Variants in CLDN14 observed in about 807,000 individuals in gnomAD.
The protein encoded by CLDN14 is claudin 14.
In CLDN14, 2 loss-of-function variants were observed where a neutral mutation model predicts 2.1. The ratio of observed to expected loss-of-function variants is 0.96; its 90% CI spans 0.39 to 3.01. CLDN14 has a LOEUF of 3.01. Among genes scored for constraint, CLDN14 ranks in the 30% most tolerant of loss-of-function variants. The pLI is 0.09. For missense variants in CLDN14, 298 were observed against 328.0 expected (o/e 0.91, Z 0.71); for synonymous variants, 136 against 154.4 (o/e 0.88, Z 0.88).
intron 2 of CLDN14, among the ~76,000 whole-genome samples, chr21:36,494,180 AGC>A (rs2086994567): frequency 1.3e-5 from 2 of 152,180 alleles, no homozygotes; most frequent in Admixed American, 1.3e-4. Context: ...CTTCTCTCCC[AGC>A]GGGGGACTGT....
intron 2 of CLDN14, among the ~76,000 whole-genome samples, chr21:36,509,884 C>T (rs1213169119): frequency 2.6e-5 from 4 of 152,092 alleles, no homozygotes; most frequent in African/African-American, 7.2e-5. Flanking sequence ...GTGAGCCACC[C>T]GCGCCTGGCC....
chr21:36,540,576 C>T (rs912500189), intron 1 of CLDN14, among the ~76,000 whole-genome samples: 4 of 151,786 alleles, frequency 2.6e-5, no homozygotes, highest in Non-Finnish European at 5.9e-5. Flanking sequence ...AAATCCCACT[C>T]GTTCCTGCCA....
At chr21:36,518,668 T>C (rs1264717244) in intron 1 of CLDN14, among the ~76,000 whole-genome samples, 3 of 148,086 alleles carry the variant, frequency 2.0e-5, no homozygotes, top group Non-Finnish European at 4.5e-5. Context: ...ATTCAATAAA[T>C]GTGGTGTTTA....
At chr21:36,488,704 G>A (rs1473961636) in intron 2 of CLDN14, among the ~76,000 whole-genome samples, 1 of 152,186 alleles carries the variant, frequency 6.6e-6, no homozygotes, top group Non-Finnish European at 1.5e-5. Flanking sequence ...AGTCTGGGAG[G>A]AGGAGAAAGC....
chr21:36,553,155 G>A (rs1000141041), intron 1 of CLDN14, among the ~76,000 whole-genome samples: 8 of 152,340 alleles, frequency 5.3e-5, no homozygotes, highest in Admixed American at 3.3e-4. Context: ...GGCATTACAC[G>A]TGAAGGTAGC....
intron 1 of CLDN14, among the ~76,000 whole-genome samples, chr21:36,530,360 A>C (rs2087369981): frequency 6.6e-6 from 1 of 152,234 alleles, no homozygotes; most frequent in Non-Finnish European, 1.5e-5. Flanking sequence ...TCCGGGCCAC[A>C]TGCAGGTCTG....
intron 1 of CLDN14, among the ~76,000 whole-genome samples, chr21:36,478,500 C>T (rs988650606): frequency 6.6e-5 from 10 of 152,178 alleles, no homozygotes; most frequent in African/African-American, 2.2e-4. Flanking sequence ...AAATGCAAGG[C>T]GTATGCTATG....
At chr21:36,482,937 T>G (rs1245944704), upstream of CLDN14, among the ~76,000 whole-genome samples, 2 of 152,250 alleles carry the variant, frequency 1.3e-5, no homozygotes, top group Non-Finnish European at 2.9e-5. Flanking sequence ...TTAAGCATAT[T>G]ACGTCTATTT....
chr21:36,570,008 G>T (rs926425000), intron 1 of CLDN14, among the ~76,000 whole-genome samples: 2 of 152,186 alleles, frequency 1.3e-5, no homozygotes, highest in African/African-American at 4.8e-5. Context: ...GGCGGTCAGG[G>T]TACAGCTTGC....
At chr21:36,556,884 C>A (rs1420151737) in intron 1 of CLDN14, among the ~76,000 whole-genome samples, 1 of 152,212 alleles carries the variant, frequency 6.6e-6, no homozygotes, top group African/African-American at 2.4e-5. Flanking sequence ...AATTGTACAG[C>A]ATCTCTAGAA....
chr21:36,568,409 A>T (rs1328996856), intron 1 of CLDN14, among the ~76,000 whole-genome samples: 1 of 152,244 alleles, frequency 6.6e-6, no homozygotes, highest in East Asian at 1.9e-4. Context: ...AGTCCCAGCT[A>T]GGAAAAAAAT....
At chr21:36,462,655 C>T (rs953884297) in intron 1 of CLDN14, among the ~76,000 whole-genome samples, 55 of 152,212 alleles carry the variant, frequency 3.6e-4, no homozygotes, top group African/African-American at 1.3e-3. Context: ...AAGGGCCAGG[C>T]ACGGTGGTTC....
intron 1 of CLDN14, among the ~76,000 whole-genome samples, chr21:36,520,798 C>T (rs1273113874): frequency 1.3e-5 from 2 of 152,040 alleles, no homozygotes; most frequent in African/African-American, 4.8e-5. Flanking sequence ...CCACCAGGAG[C>T]CACAATGGCC....
intron 1 of CLDN14, among the ~76,000 whole-genome samples, chr21:36,517,603 A>G (rs2087238614): frequency 6.6e-6 from 1 of 152,210 alleles, no homozygotes; most frequent in African/African-American, 2.4e-5. Context: ...CGCCATGCAT[A>G]TTTAGTAGGC....
chr21:36,570,572 G>T (rs1353263561), intron 1 of CLDN14, among the ~76,000 whole-genome samples: 1 of 152,140 alleles, frequency 6.6e-6, no homozygotes, highest in East Asian at 1.9e-4. Flanking sequence ...CAAACAAAAT[G>T]CATGGCTGTA....
chr21:36,501,062 G>A (rs954031761), intron 2 of CLDN14, among the ~76,000 whole-genome samples: 2 of 152,336 alleles, frequency 1.3e-5, no homozygotes, highest in Middle Eastern at 3.4e-3. Flanking sequence ...TCTTCTCAGC[G>A]ATGTGGTTGC....
chr21:36,490,140 A>G (rs1369109562), intron 2 of CLDN14, among the ~76,000 whole-genome samples: 1 of 152,204 alleles, frequency 6.6e-6, no homozygotes, highest in African/African-American at 2.4e-5. Flanking sequence ...ACAGACACTC[A>G]GATATCATCA....
intron 1 of CLDN14, among the ~76,000 whole-genome samples, chr21:36,527,377 C>T (rs963880859): frequency 6.6e-6 from 1 of 152,132 alleles, no homozygotes; most frequent in Non-Finnish European, 1.5e-5. Flanking sequence ...TTTCATATGC[C>T]TTGTGTAGCT....
intron 2 of CLDN14, among the ~76,000 whole-genome samples, chr21:36,495,473 G>A (rs989463551): frequency 3.3e-5 from 5 of 152,362 alleles, no homozygotes; most frequent in Middle Eastern, 3.4e-3. Context: ...ATCATATTCA[G>A]TTATGGAAAA....
Sources: allele counts gnomAD v4.1 joint callset (sites outside exome capture counted in the v4.1 genomes callset), GRCh38; gene constraint gnomAD v4.1.1; transcripts MANE v1.5; gene names NCBI Gene and HGNC (gene_info 2026-07-23, HGNC 2026-07-21).